MYLK2: variants seen among roughly 807,000 people sequenced by gnomAD.
MYLK2 encodes the protein myosin light chain kinase 2, skeletal/cardiac muscle.
Under a neutral mutation model 58.2 loss-of-function variants are expected in MYLK2, and 27 were observed. That is an observed-to-expected ratio of 0.46 (90% confidence interval 0.34 to 0.64). The LOEUF (loss-of-function observed/expected upper bound fraction) is 0.64, where lower values mean the gene tolerates loss of function less well. MYLK2 is among the 30% of genes least tolerant of loss of function. The pLI is 0.01. For missense variants in MYLK2, 676 were observed against 764.3 expected, an observed-to-expected ratio of 0.88 and a Z score of 1.36; for synonymous variants, 310 against 296.7, an observed-to-expected ratio of 1.04 and a Z score of -0.46.
At position 31,823,729 on chromosome 20, in the gene MYLK2, C is replaced by G. The variant is rs750790950; in HGVS notation, c.878+147C>G. ...TGTTCACCTCTGTGTGGGACACACA[C>G]TGTGTGCAGCTGTCACATGCTGATG... On this transcript the variant is annotated intron_variant, in intron 5 of 12. Coordinates refer to ENST00000375985, the MANE Select transcript of MYLK2 (RefSeq NM_033118.4). The G allele has an allele frequency of 1.9e-4, 168 of 898,880 alleles. 1 individual carries two copies. Among genetic ancestry groups the G allele is most frequent in the Non-Finnish European group, 2.6e-4 (146 of 568,450 alleles). The allele number at this position is 898,880 out of a possible 1,614,324, so 55.7% of individuals were successfully genotyped here. A position where few individuals can be genotyped will look rare whatever the true frequency, so the allele number is the denominator to read the frequency against.
In MYLK2 at chr20:31,824,265, G is replaced by C. The variant is rs749224761; in HGVS notation, c.885G>C (p.Lys295Asn). 2.5e-6 allele frequency: 4 copies of C among 1,613,540 alleles called. No individual in the cohort carries two copies. In the Admixed American group the frequency reaches 5.0e-5, roughly 20 times the overall value. ...MNSKEALGGG[K>N]FGAVCTCMEK... is the part of the protein sequence containing the mutation. ...CAGCCTCTTCTCTTTCCAGTGGCAAGTTTGGGGCAGTCTGTACCTGCATGG... is the reference window on the plus strand; with the variant it reads ...CAGCCTCTTCTCTTTCCAGTGGCAACTTTGGGGCAGTCTGTACCTGCATGG... Residue 295 changes from lysine to asparagine, a missense_variant, in exon 6 of 13, where the codon AAG becomes AAC. Coordinates refer to ENST00000375985, the MANE Select transcript of MYLK2 (RefSeq NM_033118.4).
At position 31,821,697 on chromosome 20, in the gene MYLK2, C is replaced by G. The variant is rs2123128189; in HGVS notation, c.732C>G (p.Leu244=). ...PSEKSEVGQA[L]CLTAREEDCF... ...AGAAATCCGAGGTGGGGCAGGCCCT[C>G]TGTCTCACAGCCAGGGAGGAGGACT... is the stretch of plus-strand genomic sequence containing the variant. The change falls in exon 4 of 13, where the codon CTC becomes CTG. Residue 244 remains leucine (L), a synonymous_variant. Coordinates refer to ENST00000375985, the MANE Select transcript of MYLK2 (RefSeq NM_033118.4). 6.8e-6 allele frequency: 11 copies of G among 1,611,398 alleles called. No individual in the cohort carries two copies. Among genetic ancestry groups the G allele is most frequent in the Non-Finnish European group, 8.5e-6 (10 of 1,177,944 alleles).
chr20:31,819,947 C>G (rs2062242904), intron 2 of MYLK2, among the ~76,000 whole-genome samples, 179 bp from the exon 3 acceptor site: 1 of 152,202 alleles, frequency 6.6e-6, no homozygotes, highest in Non-Finnish European at 1.5e-5. Flanking sequence ...CAGAGGCCCT[C>G]CAAGGTCGTG....
Position 31,826,837 on chromosome 20 carries a change from G to A in MYLK2, c.1123G>A (p.Asp375Asn), listed in dbSNP as rs397517472. Residue 375 changes from aspartate to asparagine, a missense_variant, in exon 8 of 13, where the codon GAC (aspartate) becomes AAC (asparagine). This residue lies in a region of MYLK2 where 370 missense variants were observed against 467.8 expected (regional missense o/e 0.79). Transcript: ENST00000375985. ...GCTCTTCGAGAGGATTGTGGATGAGGACTACCATCTGACCGAGGTGGACAC... is the reference window on the plus strand; with the variant it reads ...GCTCTTCGAGAGGATTGTGGATGAGAACTACCATCTGACCGAGGTGGACAC... ...GELFERIVDE[D>N]YHLTEVDTMV... 185 of 1,614,032 alleles carry A rather than the reference G, an allele frequency of 1.1e-4. No homozygotes were observed. The highest frequency in any genetic ancestry group is 1.5e-4 in the Non-Finnish European group (175 of 1,180,042).
At chr20:31,822,590 A>T (rs1359235571) in intron 4 of MYLK2, among the ~76,000 whole-genome samples, 2 of 151,334 alleles carry the variant, frequency 1.3e-5, no homozygotes, top group African/African-American at 2.4e-5. Context: ...GGGCCTGGGC[A>T]GGGGTGCGGC....
intron 12 of MYLK2, 120 bp from the exon 13 acceptor site, chr20:31,833,597 C>T (rs2062317513): frequency 2.2e-6 from 2 of 916,998 alleles, no homozygotes; most frequent in South Asian, 2.7e-5. Flanking sequence ...ATTTTGGGCA[C>T]TGCACCTTCT....
intron 8 of MYLK2, 141 bp downstream of exon 8, chr20:31,827,079 G>A (rs1369925280): frequency 4.1e-5 from 61 of 1,496,576 alleles, no homozygotes; most frequent in Admixed American, 4.2e-5. Flanking sequence ...TTCAGAAAGG[G>A]TTTATGGAAT....
chr20:31,824,036 C>T (rs943310532), intron 5 of MYLK2: 7 of 985,324 alleles, frequency 7.1e-6, no homozygotes, highest in African/African-American at 7.0e-5. Context: ...TTCCTGTGCA[C>T]GTGGTCTGTG....
chr20:31,827,268 G>A (rs944381991), intron 8 of MYLK2: 6 of 985,298 alleles, frequency 6.1e-6, no homozygotes, highest in South Asian at 4.7e-5. Context: ...GCTAATAAGT[G>A]TTGCAATAGC....
At chr20:31,827,887 T>G (rs2062288486) in intron 8 of MYLK2, among the ~76,000 whole-genome samples, 1 of 145,730 alleles carries the variant, frequency 6.9e-6, no homozygotes, top group African/African-American at 2.6e-5. Flanking sequence ...ATCTGCTTTT[T>G]TTTTTTTTTT....
chr20:31,823,576 T>C lies in MYLK2; in HGVS notation c.872T>C (p.Leu291Pro), dbSNP rs2062262745. The C allele has an allele frequency of 6.2e-7, 1 of 1,613,794 alleles. No individual in the cohort carries two copies. Among genetic ancestry groups the C allele is most frequent in the Admixed American group, 1.7e-5 (1 of 60,016 alleles). Reference protein sequence around the residue: ...SEFSMNSKEALGGGKFGAVCT... With the variant: ...SEFSMNSKEAPGGGKFGAVCT... ...TTCAGTATGAACTCCAAGGAGGCGC[T>C]CGGAGGGTGAGATCTGGGACCCCAG... The change falls in exon 5 of 13, where the codon CTC becomes CCC. Residue 291 changes from leucine to proline, a missense_variant. By Grantham distance (98) the Leu-to-Pro change is moderately conservative. This residue lies in a region of MYLK2 where 370 missense variants were observed against 467.8 expected (regional missense o/e 0.79). Transcript: ENST00000375985.
chr20:31,831,574 A>G (rs2062306530), intron 10 of MYLK2, 129 bp from the exon 11 acceptor site: 2 of 1,076,476 alleles, frequency 1.9e-6, no homozygotes, highest in Non-Finnish European at 2.7e-6. Flanking sequence ...GGTCTGTCCC[A>G]CGAGAGGCTG....
In MYLK2 at chr20:31,831,812, G is replaced by C. The variant is rs767857271; in HGVS notation, c.1534G>C (p.Glu512Gln). 1.1e-5 allele frequency: 17 copies of C among 1,614,022 alleles called. No homozygotes were observed. The highest frequency in any genetic ancestry group is 1.4e-5 in the Non-Finnish European group (17 of 1,180,030). ...AGAGACCTTTGAGGCCGTATCAGAC[G>C]AGGCCAAAGACTTTGTCTCCAACCT... Reference protein sequence around the residue: ...DEETFEAVSDEAKDFVSNLIV... With the variant: ...DEETFEAVSDQAKDFVSNLIV... Residue 512 changes from glutamate to glutamine, a missense_variant, in exon 11 of 13, where the codon GAG (glutamate) becomes CAG (glutamine). Physicochemically the swap from Glu to Gln is conservative, Grantham distance 29. Around this residue, in one of 2 missense-constraint regions of MYLK2, gnomAD observed 370 missense variants for 467.8 expected, o/e 0.79. Coordinates refer to ENST00000375985, the MANE Select transcript of MYLK2 (RefSeq NM_033118.4).
In MYLK2 at chr20:31,819,441, C is replaced by T. The variant is rs1046822373; in HGVS notation, c.-49+13C>T. 2 of 1,163,932 alleles carry T rather than the reference C, an allele frequency of 1.7e-6. No individual in the cohort carries two copies. The highest frequency in any genetic ancestry group is 1.5e-5 in the African/African-American group (1 of 65,632). 72.1% of individuals were successfully genotyped at this position (1,163,932 alleles called of 1,614,324 possible). A position where few individuals can be genotyped will look rare whatever the true frequency, so the allele number is the denominator to read the frequency against. The stretch of plus-strand genomic sequence containing the variant: ...CTCTTTGCTCCAGGTACCTCTCTCC[C>T]CTCAGTTAGCAGGCCTCGGCTTCCT... On this transcript the variant is annotated intron_variant, in intron 1 of 12. Coordinates refer to ENST00000375985, the MANE Select transcript of MYLK2 (RefSeq NM_033118.4).
intron 8 of MYLK2, among the ~76,000 whole-genome samples, chr20:31,827,714 T>A (rs945012566): frequency 6.6e-6 from 1 of 151,558 alleles, no homozygotes; most frequent in South Asian, 2.1e-4. Context: ...AGACAGGGTT[T>A]CACCATGTTG....
At chr20:31,819,677 G>A in intron 2 of MYLK2, 45 bp downstream of exon 2, 1 of 1,549,726 alleles carries the variant, frequency 6.5e-7, no homozygotes, top group South Asian at 1.2e-5. Context: ...TTGGGAAGGG[G>A]GGTTTTGAAT....
chr20:31,830,473 GGGGC>G (rs2062300413), intron 8 of MYLK2, among the ~76,000 whole-genome samples: 1 of 152,134 alleles, frequency 6.6e-6, no homozygotes, highest in Admixed American at 6.5e-5. Flanking sequence ...CCCCAGCCTG[GGGGC>G]GGGGATAGCA....
chr20:31,832,090 A>C lies in MYLK2; in HGVS notation c.1664A>C (p.Lys555Thr). Residue 555 changes from lysine (K) to threonine (T), a missense_variant, in exon 12 of 13, where the codon AAG becomes ACG. Physicochemically the swap from Lys to Thr is moderately conservative, Grantham distance 78. Transcript: ENST00000375985. ...GCCAAACGCTGTAACCGACGCCTTA[A>C]GTCCCAGATCTTGCTTAAGAAATAC... ...EKAKRCNRRL[K>T]SQILLKKYLM... 6.2e-7 allele frequency: 1 copy of C among 1,608,116 alleles called. No individual in the cohort carries two copies. The highest frequency in any genetic ancestry group is 8.5e-7 in the Non-Finnish European group (1 of 1,177,088).
intron 8 of MYLK2, chr20:31,828,748 G>A (rs2062291921): frequency 2.0e-6 from 2 of 983,452 alleles, no homozygotes; most frequent in Non-Finnish European, 2.4e-6. Context: ...TCTGAGTGAG[G>A]GTGCCATCTT....
Sources: allele counts gnomAD v4.1 joint callset (sites outside exome capture counted in the v4.1 genomes callset), GRCh38; gene constraint gnomAD v4.1.1; regional missense constraint gnomAD v4.1.1; transcripts MANE v1.5; gene names NCBI Gene and HGNC (gene_info 2026-07-23, HGNC 2026-07-21).